The following PCDHGA2 variants were observed in gnomAD, a reference collection of about 807,000 sequenced individuals.
PCDHGA2 encodes the protein protocadherin gamma-A2.
Under a neutral mutation model 59.2 loss-of-function variants are expected in PCDHGA2, and 40 were observed. That is an observed-to-expected ratio of 0.68 (90% CI 0.52 to 0.88). PCDHGA2 has a LOEUF of 0.88. Ranked by LOEUF, PCDHGA2 falls within the 40% of genes least tolerant of loss-of-function variation. PCDHGA2 has a pLI of 0.00. For synonymous variants in PCDHGA2, 560 were observed against 526.0 expected, an observed-to-expected ratio of 1.06 and a Z score of -0.89; for missense variants, 1,226 against 1,204.0, an observed-to-expected ratio of 1.02 and a Z score of -0.27.
chr5:141,410,712 T>C (rs776042818), intron 1 of PCDHGA2: 2 of 1,437,800 alleles, frequency 1.4e-6, no homozygotes, highest in Non-Finnish European at 1.9e-6. Context: ...TCTAGAATCA[T>C]ATGTTTAAAA....
At chr5:141,422,289 T>G in intron 1 of PCDHGA2, 1 of 1,553,678 alleles carries the variant, frequency 6.4e-7, no homozygotes, top group African/African-American at 1.4e-5. Context: ...CCTCTTCTAT[T>G]AATTCAATTC....
chr5:141,351,766 C>A lies in PCDHGA2; in HGVS notation c.2424+10371C>A, dbSNP rs754880046. ...CGCGGGAGCTGTTGTCCTACGTGTC[C>A]GTGAGCCCGCAGAGCGGGGTGGTGT... On this transcript the variant is annotated intron_variant, in intron 1 of 3. Coordinates refer to ENST00000394576, the MANE Select transcript of PCDHGA2 (RefSeq NM_018915.4). The A allele has an allele frequency of 1.9e-5, 31 of 1,613,408 alleles. No individual in the cohort carries two copies. In the East Asian group the frequency reaches 6.5e-4, roughly 34 times the overall value.
At chr5:141,467,747 C>T (rs56743829) in intron 1 of PCDHGA2, among the ~76,000 whole-genome samples, 7,097 of 152,110 alleles carry the variant, frequency 0.047, 213 homozygotes, top group Middle Eastern at 0.092. Context: ...CTGCAACCTC[C>T]GCCTCACATG....
chr5:141,488,711 A>G (rs184498001), intron 1 of PCDHGA2, among the ~76,000 whole-genome samples: 100 of 152,290 alleles, frequency 6.6e-4, no homozygotes, highest in Non-Finnish European at 1.2e-3. Context: ...TGCTGGTTCA[A>G]GCAAAGTGGT....
intron 1 of PCDHGA2, chr5:141,375,835 C>T (rs772317330): frequency 2.5e-5 from 40 of 1,613,984 alleles, no homozygotes; most frequent in Middle Eastern, 1.6e-4. Context: ...CCGCAGAGCC[C>T]GGCTACCTGG....
At chr5:141,446,295 G>A (rs146503397) in intron 1 of PCDHGA2, among the ~76,000 whole-genome samples, 1 of 152,196 alleles carries the variant, frequency 6.6e-6, no homozygotes, top group Non-Finnish European at 1.5e-5. Flanking sequence ...TGGGGAGCAG[G>A]GATTAAGAGT....
In PCDHGA2 at chr5:141,431,771, C is replaced by G. The variant is rs1175712662; in HGVS notation, c.2425-63036C>G. 1.2e-6 allele frequency: 2 copies of G among 1,614,214 alleles called. No homozygotes were observed. Among genetic ancestry groups the G allele is most frequent in the Non-Finnish European group, 8.5e-7 (1 of 1,180,034 alleles). The stretch of plus-strand genomic sequence containing the variant: ...GCGAGCCAAAGTCCTGATCACTGTT[C>G]TGGACGTGAACGACAATGCCCCAGA... On this transcript the variant is annotated intron_variant, in intron 1 of 3. Coordinates refer to ENST00000394576, the MANE Select transcript of PCDHGA2 (RefSeq NM_018915.4). The surrounding 1 kb of genome is among the most constrained non-coding windows in gnomAD (Gnocchi z 4.8).
In PCDHGA2 at chr5:141,350,215, T is replaced by A. The variant is rs760087055; in HGVS notation, c.2424+8820T>A. 8.7e-6 allele frequency: 13 copies of A among 1,489,630 alleles called. No individual in the cohort carries two copies. In the South Asian group the frequency reaches 1.6e-4, roughly 18 times the overall value. The allele number at this position is 1,489,630 out of a possible 1,614,324, so 92.3% of individuals were successfully genotyped here. On this transcript the variant is annotated intron_variant, in intron 1 of 3. Coordinates refer to ENST00000394576, the MANE Select transcript of PCDHGA2 (RefSeq NM_018915.4). ...AAGTCCAGGGTGCTGCCATTTCTTT[T>A]TGAAAAACATCCCAGAGGAAAGAAG...
At chr5:141,345,239 C>T in intron 1 of PCDHGA2, 3 of 1,613,990 alleles carry the variant, frequency 1.9e-6, no homozygotes, top group Non-Finnish European at 2.5e-6. Flanking sequence ...ATCAATATTA[C>T]CGCTTAGTGA....
chr5:141,466,746 T>C (rs1035272591), intron 1 of PCDHGA2, among the ~76,000 whole-genome samples: 1 of 152,224 alleles, frequency 6.6e-6, no homozygotes, highest in African/African-American at 2.4e-5. Context: ...GTTACTCTGA[T>C]AGGGGCTCTT....
At chr5:141,436,471 A>G (rs1249793994) in intron 1 of PCDHGA2, among the ~76,000 whole-genome samples, 1 of 152,204 alleles carries the variant, frequency 6.6e-6, no homozygotes, top group Non-Finnish European at 1.5e-5. Flanking sequence ...TTTCAGATGT[A>G]TCATAGAAGG....
chr5:141,372,294 G>A (rs536487253), intron 1 of PCDHGA2: 2 of 1,613,280 alleles, frequency 1.2e-6, no homozygotes, highest in Non-Finnish European at 1.7e-6. Flanking sequence ...TACCTTGGGC[G>A]ACAGGGAGGC....
chr5:141,499,682 C>T, intron 2 of PCDHGA2, among the ~76,000 whole-genome samples: 1 of 148,196 alleles, frequency 6.7e-6, no homozygotes, highest in South Asian at 2.1e-4. Flanking sequence ...CCATCTTTAA[C>T]AGATGACTTT....
At chr5:141,415,123 G>T (rs1349224471) in intron 1 of PCDHGA2, 3 of 1,613,540 alleles carry the variant, frequency 1.9e-6, no homozygotes. Flanking sequence ...CGTAGTGGCC[G>T]TCCAGGACCA....
chr5:141,373,280 A>C (rs1187870137), intron 1 of PCDHGA2, among the ~76,000 whole-genome samples: 2 of 152,242 alleles, frequency 1.3e-5, no homozygotes, highest in African/African-American at 2.4e-5. Flanking sequence ...GATGTTGCCT[A>C]TGTCAGGGCA....
intron 1 of PCDHGA2, among the ~76,000 whole-genome samples, chr5:141,472,815 C>T (rs1562036829): frequency 1.3e-5 from 2 of 151,596 alleles, no homozygotes; most frequent in East Asian, 1.9e-4. Flanking sequence ...GAGAAACCCC[C>T]GTCTCTACTA....
At chr5:141,368,178 A>G (rs1230488076) in intron 1 of PCDHGA2, among the ~76,000 whole-genome samples, 3 of 152,200 alleles carry the variant, frequency 2.0e-5, no homozygotes, top group Non-Finnish European at 4.4e-5. Context: ...TCAAATAATG[A>G]CTAAATAAGG....
At chr5:141,413,383 A>G in intron 1 of PCDHGA2, 1 of 1,613,998 alleles carries the variant, frequency 6.2e-7, no homozygotes, top group Non-Finnish European at 8.5e-7. Context: ...CGGAGTCCGC[A>G]TAGTCTCCAG....
chr5:141,508,062 C>T (rs910730855), intron 3 of PCDHGA2: 2 of 152,316 alleles, frequency 1.3e-5, no homozygotes, highest in African/African-American at 4.8e-5. Flanking sequence ...TAATCAGCCT[C>T]CTTGGGCTAC....
Sources: allele counts gnomAD v4.1 joint callset (sites outside exome capture counted in the v4.1 genomes callset), GRCh38; gene constraint gnomAD v4.1.1; non-coding constraint Gnocchi (gnomAD v3.1); transcripts MANE v1.5; gene names NCBI Gene and HGNC (gene_info 2026-07-23, HGNC 2026-07-21).